The following CDK14 variants were observed in gnomAD, a reference collection of about 807,000 sequenced individuals.
CDK14 encodes cyclin dependent kinase 14.
CDK14 carries 34 observed loss-of-function variants against 60.7 expected under a neutral mutation model. The observed-to-expected ratio is 0.56, with a 90% CI of 0.43 to 0.75. The LOEUF (loss-of-function observed/expected upper bound fraction) is 0.75, where lower values mean the gene tolerates loss of function less well. CDK14 is among the 30% of genes least tolerant of loss of function. The probability of loss-of-function intolerance (pLI) is 0.00; values close to 1 mark genes in which losing one functional copy is unlikely to be tolerated. For synonymous variants in CDK14, 197 were observed against 203.7 expected (o/e 0.97, Z 0.28); for missense variants, 482 against 564.1 (o/e 0.85, Z 1.47).
chr7:91,117,267 T>TG (rs1799636617), intron 13 of CDK14, among the ~76,000 whole-genome samples: 1 of 151,624 alleles, frequency 6.6e-6, no homozygotes, highest in Non-Finnish European at 1.5e-5. Flanking sequence ...ACCGTATTGT[T>TG]GCTACCTTCA....
Position 90,955,698 on chromosome 7 carries a change from T to C in CDK14, c.828T>C (p.Gly276=). Residue 276 remains glycine (G), a splice_region_variant and synonymous_variant, in exon 9 of 15, where the codon GGT becomes GGC. Transcript: ENST00000380050. ...DTGELKLADF[G]LARAKSVPSH... is the part of the protein sequence containing the mutation. ...CTTTATGTTTCATATAACCCACAGG[T>C]CTTGCAAGAGCAAAATCCGTCCCTA... is the stretch of plus-strand genomic sequence containing the variant. 15 of 1,613,136 alleles carry C rather than the reference T, an allele frequency of 9.3e-6. No individual in the cohort carries two copies. Among genetic ancestry groups the C allele is most frequent in the Non-Finnish European group, 1.2e-5 (14 of 1,179,266 alleles).
At chr7:91,004,595 G>A (rs1226515324) in intron 10 of CDK14, among the ~76,000 whole-genome samples, 1 of 152,200 alleles carries the variant, frequency 6.6e-6, no homozygotes, top group Admixed American at 6.5e-5. Context: ...ATCAATTGAT[G>A]TCATCTTCTG....
chr7:91,173,977 C>G (rs934857934), intron 14 of CDK14, among the ~76,000 whole-genome samples: 1 of 152,218 alleles, frequency 6.6e-6, no homozygotes, highest in Non-Finnish European at 1.5e-5. Context: ...GGCCTGCCTG[C>G]CTCTGTAGGC....
intron 2 of CDK14, among the ~76,000 whole-genome samples, chr7:90,714,678 A>G (rs573816181): frequency 3.3e-5 from 5 of 152,176 alleles, no homozygotes; most frequent in Admixed American, 1.3e-4. Context: ...AAGAGCTTCA[A>G]AAGTCAATTC....
chr7:91,077,930 G>T (rs569600059), intron 11 of CDK14, among the ~76,000 whole-genome samples: 1 of 152,190 alleles, frequency 6.6e-6, no homozygotes, highest in African/African-American at 2.4e-5. Flanking sequence ...AATGTAAATG[G>T]CCAGAAAGCG....
At chr7:90,654,375 C>T (rs1041962487) in intron 2 of CDK14, among the ~76,000 whole-genome samples, 1 of 152,178 alleles carries the variant, frequency 6.6e-6, no homozygotes, top group African/African-American at 2.4e-5. Flanking sequence ...GACAACAATT[C>T]ACAAATCAGT....
At chr7:91,083,344 C>G (rs1486584404) in intron 12 of CDK14, among the ~76,000 whole-genome samples, 1 of 152,144 alleles carries the variant, frequency 6.6e-6, no homozygotes, top group African/African-American at 2.4e-5. Context: ...CAGCTGTCCA[C>G]TGCCCAGCTC....
At chr7:90,991,308 A>G (rs1296191422) in intron 10 of CDK14, among the ~76,000 whole-genome samples, 1 of 152,158 alleles carries the variant, frequency 6.6e-6, no homozygotes, top group African/African-American at 2.4e-5. Context: ...CACCCAAAAG[A>G]GACAATCTTG....
chr7:91,020,296 A>G (rs939853386), intron 10 of CDK14, among the ~76,000 whole-genome samples: 14 of 152,244 alleles, frequency 9.2e-5, no homozygotes, highest in African/African-American at 3.1e-4. Context: ...ACCATTAACC[A>G]TCAAGGGACT....
intron 3 of CDK14, among the ~76,000 whole-genome samples, chr7:90,731,702 C>T (rs1563060998): frequency 6.6e-6 from 1 of 152,140 alleles, no homozygotes; most frequent in Non-Finnish European, 1.5e-5. Context: ...TATCCTGAGA[C>T]TTTGTTGAAG....
chr7:90,638,036 G>A (rs965278133), intron 2 of CDK14, among the ~76,000 whole-genome samples: 2 of 149,118 alleles, frequency 1.3e-5, no homozygotes, highest in Non-Finnish European at 3.0e-5. Flanking sequence ...CTGAACGTGA[G>A]ATGGGTTTCC....
intron 5 of CDK14, among the ~76,000 whole-genome samples, chr7:90,840,429 C>A (rs560344517): frequency 6.6e-6 from 1 of 152,120 alleles, no homozygotes; most frequent in African/African-American, 2.4e-5. Flanking sequence ...AAAAATATAT[C>A]CAAAAGAATA....
At chr7:91,023,310 A>C (rs559981843) in intron 10 of CDK14, among the ~76,000 whole-genome samples, 2 of 152,046 alleles carry the variant, frequency 1.3e-5, no homozygotes, top group Non-Finnish European at 1.5e-5. Context: ...ATAAACCCTA[A>C]GTTTGGTTTT....
At chr7:90,830,524 CTGGATACGTTTTCCCCATTGTCG>C (rs1789880988) in intron 5 of CDK14, among the ~76,000 whole-genome samples, 1 of 152,198 alleles carries the variant, frequency 6.6e-6, no homozygotes, top group Admixed American at 6.5e-5. Context: ...CTGAAATGCC[CTGGATACGTTTTCCCCATTGTCG>C]TGGCTATTAC....
At chr7:90,869,929 A>T (rs968759226) in intron 6 of CDK14, among the ~76,000 whole-genome samples, 5 of 152,150 alleles carry the variant, frequency 3.3e-5, no homozygotes, top group African/African-American at 1.2e-4. Context: ...ATCCTACATT[A>T]TCATTGCTTC....
At chr7:90,885,855 G>T (rs576901863) in intron 6 of CDK14, among the ~76,000 whole-genome samples, 2 of 152,116 alleles carry the variant, frequency 1.3e-5, no homozygotes, top group African/African-American at 4.8e-5. Context: ...AGTGGGAGTT[G>T]AACATTGAGA....
At position 90,642,053 on chromosome 7, in the gene CDK14, C is replaced by T. The variant is rs183835222; in HGVS notation, c.123+37804C>T. 3.2e-3 allele frequency among the ~76,000 whole-genome samples: 494 copies of T among 152,322 alleles called. 1 individual carries two copies. Among genetic ancestry groups the T allele is most frequent in the Non-Finnish European group, 5.7e-3 (385 of 68,022 alleles). ...GATTCAGTTATCTCCCACTGGCTCCCTCCCACAACACATGGGAATTATGGG... is the reference window on the plus strand; with the variant it reads ...GATTCAGTTATCTCCCACTGGCTCCTTCCCACAACACATGGGAATTATGGG... On this transcript the variant is annotated intron_variant, in intron 2 of 14. Transcript: ENST00000380050.
chr7:90,925,068 G>A lies in CDK14; in HGVS notation c.826+7344G>A, dbSNP rs532089920. On this transcript the variant is annotated intron_variant, in intron 8 of 14. Coordinates refer to ENST00000380050, the MANE Select transcript of CDK14 (RefSeq NM_001287135.2). ...TTTTTTTTTATTTTTACCACATACC[G>A]GAAAGGAATCTTGGTGCAAATAATC... Among the ~76,000 whole-genome samples the A allele has an allele frequency of 7.1e-4, 108 of 151,942 alleles. 1 individual carries two copies. The highest frequency in any genetic ancestry group is 2.4e-3 in the African/African-American group (98 of 41,402).
At chr7:90,873,824 G>GT (rs941053087) in intron 6 of CDK14, among the ~76,000 whole-genome samples, 4 of 151,558 alleles carry the variant, frequency 2.6e-5, no homozygotes, top group Admixed American at 6.6e-5. Flanking sequence ...CGAGAATTTG[G>GT]TTTTTTTTCT....
Sources: gnomAD v4.1 joint callset for allele counts (sites outside exome capture counted in the v4.1 genomes callset) on GRCh38, gnomAD v4.1.1 for gene constraint, MANE v1.5 for transcripts, NCBI Gene and HGNC (gene_info 2026-07-23, HGNC 2026-07-21) for gene names.